NMNAT3: variants seen among roughly 807,000 people sequenced by gnomAD.
NMNAT3 encodes the protein nicotinamide nucleotide adenylyltransferase 3, also known as nicotinamide/nicotinic acid mononucleotide adenylyltransferase 3.
A neutral mutation model predicts 24.8 loss-of-function variants in NMNAT3; 21 were observed. The ratio of observed to expected loss-of-function variants is 0.85; its 90% CI spans 0.60 to 1.22. The LOEUF (loss-of-function observed/expected upper bound fraction) is 1.22. Ranked by LOEUF, NMNAT3 falls within the 50% of genes most tolerant of loss-of-function variation. NMNAT3 has a pLI of 0.00. For missense variants in NMNAT3, 387 were observed against 436.6 expected (o/e 0.89, Z 1.01); for synonymous variants, 136 against 155.2 (o/e 0.88, Z 0.92).
chr3:139,594,511 A>C (rs1021283001), intron 3 of NMNAT3, among the ~76,000 whole-genome samples: 1 of 152,232 alleles, frequency 6.6e-6, no homozygotes, highest in Non-Finnish European at 1.5e-5. Flanking sequence ...CACAACAAAA[A>C]AAGAGAATTT....
At chr3:139,671,149 C>T (rs1260743526) in intron 1 of NMNAT3, among the ~76,000 whole-genome samples, 1 of 152,168 alleles carries the variant, frequency 6.6e-6, no homozygotes, top group Admixed American at 6.5e-5. Context: ...ATATAGAAAG[C>T]TTGATATATG....
At chr3:139,594,165 C>T (rs1439316079) in intron 3 of NMNAT3, among the ~76,000 whole-genome samples, 3 of 152,184 alleles carry the variant, frequency 2.0e-5, no homozygotes, top group Non-Finnish European at 4.4e-5. Context: ...AAACTACCAT[C>T]AGAGAATACT....
At chr3:139,674,393 G>A (rs1034401533) in intron 1 of NMNAT3, among the ~76,000 whole-genome samples, 3 of 152,114 alleles carry the variant, frequency 2.0e-5, no homozygotes, top group Non-Finnish European at 4.4e-5. Flanking sequence ...TGGGGCAGGA[G>A]CTGCCATCCT....
chr3:139,612,390 C>T (rs534652906), intron 3 of NMNAT3, among the ~76,000 whole-genome samples: 1 of 152,252 alleles, frequency 6.6e-6, no homozygotes, highest in African/African-American at 2.4e-5. Flanking sequence ...GCCATGAATA[C>T]AGAACCTTAT....
intron 1 of NMNAT3, among the ~76,000 whole-genome samples, chr3:139,659,299 C>A (rs897551401): frequency 6.6e-6 from 1 of 152,130 alleles, no homozygotes; most frequent in Non-Finnish European, 1.5e-5. Context: ...GTTAGCATAG[C>A]CCTCTGGCCC....
At chr3:139,563,855 C>T (rs981174235) in intron 6 of NMNAT3, among the ~76,000 whole-genome samples, 1 of 152,156 alleles carries the variant, frequency 6.6e-6, no homozygotes, top group East Asian at 1.9e-4. Flanking sequence ...GAAATCAATA[C>T]GATTTCTCCT....
At chr3:139,588,405 T>C (rs1466433787) in intron 3 of NMNAT3, among the ~76,000 whole-genome samples, 1 of 152,064 alleles carries the variant, frequency 6.6e-6, no homozygotes, top group Non-Finnish European at 1.5e-5. Flanking sequence ...AAGAAAATGA[T>C]AATAAAGGAA....
At chr3:139,656,607 G>A (rs9873517) in intron 1 of NMNAT3, among the ~76,000 whole-genome samples, 54,212 of 152,044 alleles carry the variant, frequency 0.36, 10,710 homozygotes, top group East Asian at 0.45. Context: ...GGGCAACACA[G>A]TAAGACCCCC....
chr3:139,561,460 G>A, intron 6 of NMNAT3, 68 bp from the exon 7 acceptor site: 1 of 1,458,588 alleles, frequency 6.9e-7, no homozygotes, highest in Non-Finnish European at 9.2e-7. Context: ...AACATCATTG[G>A]AAAGTCTCAC....
chr3:139,604,790 T>G (rs183565689), intron 3 of NMNAT3, among the ~76,000 whole-genome samples: 1 of 152,224 alleles, frequency 6.6e-6, no homozygotes, highest in African/African-American at 2.4e-5. Context: ...TTGTTGATTA[T>G]ATGCAATTTA....
intron 3 of NMNAT3, among the ~76,000 whole-genome samples, chr3:139,623,092 CTT>C (rs2055878875): frequency 6.6e-6 from 1 of 151,872 alleles, no homozygotes; most frequent in South Asian, 2.1e-4. Context: ...ACTTTATAAA[CTT>C]GACAACTTTT....
chr3:139,564,552 C>A (rs550797661), intron 6 of NMNAT3, among the ~76,000 whole-genome samples: 4 of 152,292 alleles, frequency 2.6e-5, no homozygotes, highest in South Asian at 2.1e-4. Flanking sequence ...AAGTGTCACA[C>A]CCAAGCAGCC....
At chr3:139,675,791 C>A (rs2057910809) in intron 1 of NMNAT3, among the ~76,000 whole-genome samples, 1 of 152,154 alleles carries the variant, frequency 6.6e-6, no homozygotes, top group Non-Finnish European at 1.5e-5. Context: ...TATTTTAGGT[C>A]CTCATTAAAT....
chr3:139,622,696 C>G (rs933671931), intron 3 of NMNAT3, among the ~76,000 whole-genome samples: 1 of 149,022 alleles, frequency 6.7e-6, no homozygotes, highest in Non-Finnish European at 1.5e-5. Context: ...GATCATGGCA[C>G]TGCACTCCAG....
At chr3:139,676,504 C>T (rs1030350564) in intron 1 of NMNAT3, among the ~76,000 whole-genome samples, 13 of 152,174 alleles carry the variant, frequency 8.5e-5, no homozygotes, top group African/African-American at 3.1e-4. Context: ...GTGAACCATA[C>T]CTTCAGGGGC....
chr3:139,641,842 T>C (rs2056713979), intron 1 of NMNAT3, among the ~76,000 whole-genome samples: 1 of 152,230 alleles, frequency 6.6e-6, no homozygotes, highest in Admixed American at 6.5e-5. Context: ...AATTCCCTTT[T>C]CTTCTGGCTA....
chr3:139,567,438 C>T lies in NMNAT3; in HGVS notation c.659-6046G>A, dbSNP rs1443136423. The stretch of plus-strand genomic sequence containing the variant: ...AGAGAGGGCATCCCTGTCTTGTGCC[C>T]GTTTTCAAAGGGAATGCTTCCAGTT... On this transcript the variant is annotated intron_variant, in intron 6 of 6. Coordinates refer to ENST00000643695, the MANE Select transcript of NMNAT3 (RefSeq NM_001320510.2). 45 of 151,692 alleles carry T rather than the reference C, an allele frequency of 3.0e-4. 1 individual carries two copies. The highest frequency in any genetic ancestry group is 1.8e-3 in the Admixed American group (27 of 15,216). The allele number at this position is 151,692 out of a possible 1,614,324, so 9.4% of individuals were successfully genotyped here.
intron 1 of NMNAT3, among the ~76,000 whole-genome samples, chr3:139,670,634 G>A (rs997503529): frequency 6.6e-5 from 10 of 152,170 alleles, no homozygotes; most frequent in African/African-American, 2.4e-4. Flanking sequence ...CGGATATAAC[G>A]CCATCACAGT....
intron 1 of NMNAT3, among the ~76,000 whole-genome samples, chr3:139,658,872 A>G (rs539449822): frequency 8.3e-6 from 1 of 121,118 alleles, no homozygotes; most frequent in Admixed American, 9.2e-5. Flanking sequence ...ACCCCTCTCA[A>G]CATATAGAAC....
Sources: allele counts gnomAD v4.1 joint callset (sites outside exome capture counted in the v4.1 genomes callset), GRCh38; gene constraint gnomAD v4.1.1; transcripts MANE v1.5; gene names NCBI Gene and HGNC (gene_info 2026-07-23, HGNC 2026-07-21).